Variants in FLACC1 observed in about 807,000 individuals in gnomAD.
FLACC1 encodes the protein flagellum associated containing coiled-coil domains 1.
Under a neutral mutation model 62.8 loss-of-function variants are expected in FLACC1, and 66 were observed. That is an observed-to-expected ratio of 1.05 (90% CI 0.86 to 1.29). The LOEUF (loss-of-function observed/expected upper bound fraction) is 1.29, where lower values mean the gene tolerates loss of function less well. FLACC1 is among the 50% of genes most tolerant of loss of function. The probability of loss-of-function intolerance (pLI) is 0.00; values close to 1 mark genes in which losing one functional copy is unlikely to be tolerated. For synonymous variants in FLACC1, 156 were observed against 161.0 expected, an observed-to-expected ratio of 0.97 and a Z score of 0.24; for missense variants, 452 against 489.1, an observed-to-expected ratio of 0.92 and a Z score of 0.71.
In FLACC1 at chr2:201,299,194, AT is replaced by A. The variant is rs760160965; in HGVS notation, c.942+43del. On this transcript the variant is annotated intron_variant, in intron 12 of 14. Transcript: ENST00000392257. ...TGACAGCTTGTTATTTTATTGGTGTATTTGTAATATACCAAGTCCACAGGAA... is the reference window on the plus strand; with the variant it reads ...TGACAGCTTGTTATTTTATTGGTGTATTGTAATATACCAAGTCCACAGGAA... 1.1e-5 allele frequency: 17 copies of A among 1,544,112 alleles called. No homozygotes were observed. In the South Asian group the frequency reaches 1.9e-4, roughly 18 times the overall value.
the FLACC1 span, among the ~76,000 whole-genome samples, chr2:201,362,608 T>C: frequency 6.6e-6 from 1 of 152,190 alleles, no homozygotes; most frequent in African/African-American, 2.4e-5. Context: ...CCACTTGGGA[T>C]CCAGGCAACC....
At chr2:201,356,665 T>C (rs1482746114) in intron 1 of FLACC1, among the ~76,000 whole-genome samples, 1 of 152,254 alleles carries the variant, frequency 6.6e-6, no homozygotes, top group Non-Finnish European at 1.5e-5. Context: ...AGTGAGAGCA[T>C]ACTTTGCACA....
chr2:201,351,342 C>T lies in FLACC1; in HGVS notation c.63G>A (p.Lys21=). Residue 21 remains lysine, a synonymous_variant, in exon 2 of 15, where the codon AAG becomes AAA. Coordinates refer to ENST00000392257, the MANE Select transcript of FLACC1 (RefSeq NM_001127391.3). ...GTGGTAGTTGAGGGGTCTTGATTAGCTTCCGTGGTCCCAAGTTCCAGGGGT... is the reference window on the plus strand; with the variant it reads ...GTGGTAGTTGAGGGGTCTTGATTAGTTTCCGTGGTCCCAAGTTCCAGGGGT... The part of the protein sequence containing the change: ...CWDPWNLGPR[K]LIKTPQLPRK... The T allele has an allele frequency of 6.2e-7, 1 of 1,614,158 alleles. No individual in the cohort carries two copies. Among genetic ancestry groups the T allele is most frequent in the Non-Finnish European group, 8.5e-7 (1 of 1,180,028 alleles).
intron 9 of FLACC1, among the ~76,000 whole-genome samples, chr2:201,311,803 C>T (rs1236513043): frequency 6.6e-6 from 1 of 151,662 alleles, no homozygotes; most frequent in Non-Finnish European, 1.5e-5. Context: ...TGATTCACCA[C>T]ATAAACAGAA....
At chr2:201,321,193 G>A (rs1233439725) in intron 9 of FLACC1, among the ~76,000 whole-genome samples, 1 of 152,212 alleles carries the variant, frequency 6.6e-6, no homozygotes, top group Non-Finnish European at 1.5e-5. Flanking sequence ...GACTTGAAGA[G>A]AGGTCACATC....
intron 7 of FLACC1, among the ~76,000 whole-genome samples, chr2:201,335,435 C>G (rs895799568): frequency 2.0e-5 from 3 of 152,056 alleles, no homozygotes; most frequent in Non-Finnish European, 4.4e-5. Context: ...ATTGAAAAGG[C>G]TATCTTTTTT....
upstream of FLACC1, among the ~76,000 whole-genome samples, chr2:201,359,771 A>G (rs1951169363): frequency 6.6e-6 from 1 of 152,184 alleles, no homozygotes; most frequent in Non-Finnish European, 1.5e-5. Flanking sequence ...AGCACCATGA[A>G]CAGGCTAGAT....
upstream of FLACC1, among the ~76,000 whole-genome samples, chr2:201,359,768 T>C (rs1179626920): frequency 6.6e-6 from 1 of 152,134 alleles, no homozygotes; most frequent in Non-Finnish European, 1.5e-5. Context: ...CTGAGCACCA[T>C]GAACAGGCTA....
At chr2:201,345,670 A>G (rs572288016) in intron 5 of FLACC1, among the ~76,000 whole-genome samples, 1 of 152,312 alleles carries the variant, frequency 6.6e-6, no homozygotes, top group South Asian at 2.1e-4. Context: ...ATTAAAGGGT[A>G]GAATGAAAAG....
rs553504110 is a variant in FLACC1, at chr2:201,330,136, C to G, written c.675+334G>C. Among the ~76,000 whole-genome samples, 48 of 152,322 alleles carry G rather than the reference C, an allele frequency of 3.2e-4. 1 individual carries two copies. The highest frequency in any genetic ancestry group is 1.1e-3 in the African/African-American group (45 of 41,586). ...TGTTATACAATATACAGTATGATCT[C>G]AACTGCAGTTCTAACAAAGTACAAA... On this transcript the variant is annotated intron_variant, in intron 9 of 14. Transcript: ENST00000392257.
At chr2:201,303,209 A>G (rs1950025969) in intron 11 of FLACC1, among the ~76,000 whole-genome samples, 2 of 152,176 alleles carry the variant, frequency 1.3e-5, no homozygotes, top group African/African-American at 2.4e-5. Context: ...GAAAAGAGAG[A>G]AGAATCAAAT....
chr2:201,326,835 T>A lies in FLACC1; in HGVS notation c.675+3635A>T, dbSNP rs1269542928. ...ATTAGAAAAAAAGTTCTAAAATTCA[T>A]ATGGAACCAAAAAAGAGCCAGAATA... is the stretch of plus-strand genomic sequence containing the variant. On this transcript the variant is annotated intron_variant, in intron 9 of 14. Coordinates refer to ENST00000392257, the MANE Select transcript of FLACC1 (RefSeq NM_001127391.3). This position sits in a 1 kb window ranked among gnomAD's most constrained non-coding sequence, Gnocchi z 4.1. 6.6e-6 allele frequency among the ~76,000 whole-genome samples: 1 copy of A among 152,102 alleles called. No homozygotes were observed. The highest frequency in any genetic ancestry group is 1.5e-5 in the Non-Finnish European group (1 of 68,002).
chr2:201,297,743 T>C (rs2125543384), intron 12 of FLACC1, among the ~76,000 whole-genome samples: 1 of 152,348 alleles, frequency 6.6e-6, no homozygotes, highest in African/African-American at 2.4e-5. Flanking sequence ...CCTCTTCAGA[T>C]TCTCCTTCAC....
intron 5 of FLACC1, among the ~76,000 whole-genome samples, chr2:201,345,622 C>T (rs567800430): frequency 2.0e-5 from 3 of 152,104 alleles, no homozygotes; most frequent in East Asian, 3.9e-4. Context: ...GATGCCTGAA[C>T]ATGGGCAGGA....
intron 10 of FLACC1, 96 bp downstream of exon 10, chr2:201,309,055 G>T: frequency 1.9e-6 from 2 of 1,026,504 alleles, no homozygotes; most frequent in Non-Finnish European, 3.0e-6. Flanking sequence ...CATCACCCTT[G>T]GTAAGCCCAA....
chr2:201,311,282 C>T (rs775170415), intron 9 of FLACC1, among the ~76,000 whole-genome samples: 2 of 152,030 alleles, frequency 1.3e-5, no homozygotes, highest in African/African-American at 2.4e-5. Flanking sequence ...GGACTCCTCC[C>T]TAACTTATTC....
intron 11 of FLACC1, among the ~76,000 whole-genome samples, chr2:201,306,271 T>C (rs1950105264): frequency 6.6e-6 from 1 of 152,180 alleles, no homozygotes; most frequent in South Asian, 2.1e-4. Context: ...ACCTGATCTT[T>C]TGAGAGCTCA....
chr2:201,335,574 G>T (rs1950677895), intron 7 of FLACC1, among the ~76,000 whole-genome samples: 1 of 151,848 alleles, frequency 6.6e-6, no homozygotes, highest in Non-Finnish European at 1.5e-5. Context: ...ATGCTGTTTG[G>T]GTTACTATAG....
At chr2:201,331,889 T>C (rs1056936503) in intron 7 of FLACC1, among the ~76,000 whole-genome samples, 5 of 152,180 alleles carry the variant, frequency 3.3e-5, no homozygotes, top group African/African-American at 7.2e-5. Flanking sequence ...TATAGGTTCA[T>C]TGATTATAAC....
Sources: gnomAD v4.1 joint callset for allele counts (sites outside exome capture counted in the v4.1 genomes callset) on GRCh38, gnomAD v4.1.1 for gene constraint, Gnocchi (gnomAD v3.1) non-coding constraint, MANE v1.5 for transcripts, NCBI Gene and HGNC (gene_info 2026-07-23, HGNC 2026-07-21) for gene names.